Variants in CLUH observed in about 807,000 individuals in gnomAD.
CLUH encodes CLUH binding protein of NUMT mRNA.
A neutral mutation model predicts 139.3 loss-of-function variants in CLUH; 77 were observed. The observed-to-expected ratio is 0.55, with a 90% CI of 0.46 to 0.67. The LOEUF (loss-of-function observed/expected upper bound fraction) is 0.67, where lower values mean the gene tolerates loss of function less well. Among genes scored for constraint, CLUH ranks in the 30% least tolerant of loss-of-function variants. The pLI is 0.00. For synonymous variants in CLUH, 999 were observed against 801.6 expected (o/e 1.25, Z -4.16); for missense variants, 1,876 against 1,875.8 (o/e 1.00, Z 0.00).
At position 2,700,795 on chromosome 17, in the gene CLUH, G is replaced by A. The variant is rs2070150489; in HGVS notation, c.1056C>T (p.Ala352=). The A allele has an allele frequency of 1.3e-6, 2 of 1,530,880 alleles. No homozygotes were observed. The highest frequency in any genetic ancestry group is 4.5e-5 in the East Asian group (2 of 44,318). 94.8% of individuals were successfully genotyped at this position (1,530,880 alleles called of 1,614,324 possible). A position where few individuals can be genotyped will look rare whatever the true frequency, so the allele number is the denominator to read the frequency against. The change falls in exon 8 of 26, where the codon GCC becomes GCT. Residue 352 remains alanine (A), a synonymous_variant. Transcript: ENST00000651024. ...RVQRHPFERI[A]TPFQVYSWTA... ...TCCAGCTGTACACCTGGAATGGGGT[G>A]GCGATCCTCTCGAACGGGTGGCGCT...
At chr17:2,690,979 C>A (rs992554119) in intron 25 of CLUH, among the ~76,000 whole-genome samples, 6 of 152,120 alleles carry the variant, frequency 3.9e-5, no homozygotes, top group Admixed American at 1.3e-4. Context: ...GGCCTCGGGG[C>A]TCCCCTCGCT....
At chr17:2,708,867 G>GC (rs2070428688) in intron 1 of CLUH, among the ~76,000 whole-genome samples, 1 of 86,886 alleles carries the variant, frequency 1.2e-5, no homozygotes, top group African/African-American at 3.7e-5. Context: ...ACTCGGGGGG[G>GC]GGGGAGCAGA....
intron 9 of CLUH, among the ~76,000 whole-genome samples, chr17:2,699,267 G>A (rs775713372): frequency 6.6e-6 from 1 of 152,110 alleles, no homozygotes; most frequent in Non-Finnish European, 1.5e-5. Context: ...TGGTGAAGTC[G>A]GTACCCGAGA....
chr17:2,703,525 A>G lies in CLUH; in HGVS notation c.304-36T>C, dbSNP rs1567595688. 6.2e-7 allele frequency: 1 copy of G among 1,600,164 alleles called. No homozygotes were observed. The highest frequency in any genetic ancestry group is 8.5e-7 in the Non-Finnish European group (1 of 1,171,462). On this transcript the variant is annotated intron_variant, in intron 2 of 25. Coordinates refer to ENST00000651024, the MANE Select transcript of CLUH (RefSeq NM_001366661.1). The surrounding 1 kb of genome is among the most constrained non-coding windows in gnomAD (Gnocchi z 4.2). ...AAGGCCCCGCCCACCCCGGTGAGAG[A>G]GCACGTAGCGGGGAGAGAAGGCCCC...
intron 25 of CLUH, 126 bp downstream of exon 25, chr17:2,691,483 C>A: frequency 1.1e-6 from 1 of 925,286 alleles, no homozygotes; most frequent in Non-Finnish European, 1.7e-6. Context: ...AATCGCTGAA[C>A]CCGGGAGGCG....
At position 2,703,970 on chromosome 17, in the gene CLUH, G is replaced by A. The variant is rs533275561; in HGVS notation, c.303+392C>T. Among the ~76,000 whole-genome samples the A allele has an allele frequency of 8.5e-5, 13 of 152,262 alleles. No individual in the cohort carries two copies. The South Asian group carries it at 1.7e-3, about 19-fold the overall frequency. ...AGTCACCGGCTTGCAAGACCTCCAC[G>A]CTGGCTCTGCCCTTGGAGATAACCC... On this transcript the variant is annotated intron_variant, in intron 2 of 25. Coordinates refer to ENST00000651024, the MANE Select transcript of CLUH (RefSeq NM_001366661.1). The surrounding 1 kb of genome is among the most constrained non-coding windows in gnomAD (Gnocchi z 4.2).
chr17:2,699,140 G>C (rs2070085439), intron 9 of CLUH, among the ~76,000 whole-genome samples: 1 of 151,998 alleles, frequency 6.6e-6, no homozygotes, highest in Non-Finnish European at 1.5e-5. Flanking sequence ...AGCGTGCGCA[G>C]GTTTGGGATC....
chr17:2,705,688 C>T (rs2070330384), intron 1 of CLUH, among the ~76,000 whole-genome samples: 1 of 152,188 alleles, frequency 6.6e-6, no homozygotes, highest in African/African-American at 2.4e-5. Context: ...GCGTCCTCAC[C>T]AGCAGCTCTA....
chr17:2,697,696 C>T (rs942875032), intron 10 of CLUH, among the ~76,000 whole-genome samples, 200 bp downstream of exon 10: 10 of 152,324 alleles, frequency 6.6e-5, no homozygotes, highest in African/African-American at 2.4e-4. Flanking sequence ...TGGCTGCTCG[C>T]GAGTCTGCAG....
chr17:2,695,117 G>T lies in CLUH; in HGVS notation c.2608-16C>A. 1 of 1,612,474 alleles carries T rather than the reference G, an allele frequency of 6.2e-7. No homozygotes were observed. Among genetic ancestry groups the T allele is most frequent in the Non-Finnish European group, 8.5e-7 (1 of 1,179,052 alleles). On this transcript the variant is annotated splice_polypyrimidine_tract_variant and intron_variant, in intron 15 of 25. Coordinates refer to ENST00000651024, the MANE Select transcript of CLUH (RefSeq NM_001366661.1). ...GCTCGACTCCCTGCGAGGCAGGTTG[G>T]ATCCGAGTCATGAGGGCCCTCAGCC...
chr17:2,703,502 G>GGCCCC lies in CLUH; in HGVS notation c.304-18_304-14dup, dbSNP rs770043546. Reference sequence around the variant, plus strand: ...CCTGGGGGGACACCTGCAGGGAGAAGGCCCCGCCCACCCCGGTGAGAGAGC... The same window carrying GGCCCC: ...CCTGGGGGGACACCTGCAGGGAGAAGGCCCCGCCCCGCCCACCCCGGTGAGAGAGC... On this transcript the variant is annotated splice_polypyrimidine_tract_variant and intron_variant, in intron 2 of 25. Transcript: ENST00000651024. This position sits in a 1 kb window ranked among gnomAD's most constrained non-coding sequence, Gnocchi z 4.2. 1 of 1,610,208 alleles carries GGCCCC rather than the reference G, an allele frequency of 6.2e-7. No individual in the cohort carries two copies. The highest frequency in any genetic ancestry group is 8.5e-7 in the Non-Finnish European group (1 of 1,177,698).
At chr17:2,711,432 G>C (rs1290915356) in intron 1 of CLUH, 130 bp downstream of exon 1, 1 of 188,028 alleles carries the variant, frequency 5.3e-6, no homozygotes, top group Non-Finnish European at 9.9e-6. Context: ...GGGCGACCCG[G>C]TGAAGGCCCC....
chr17:2,692,157 T>TGACTCGGGGGCCC, intron 22 of CLUH, 60 bp from the exon 23 acceptor site: 1 of 1,507,084 alleles, frequency 6.6e-7, no homozygotes, highest in African/African-American at 1.4e-5. Flanking sequence ...TGTGGGGGCC[T>TGACTCGGGGGCCC]GACTCGGGGG....
chr17:2,692,673 G>T lies in CLUH; in HGVS notation c.3336C>A (p.Phe1112Leu). The T allele has an allele frequency of 6.2e-7, 1 of 1,612,106 alleles. No homozygotes were observed. Among genetic ancestry groups the T allele is most frequent in the African/African-American group, 1.3e-5 (1 of 75,004 alleles). Residue 1112 changes from phenylalanine to leucine, a missense_variant, in exon 21 of 26, where the codon TTC becomes TTA. Phe to Leu is a conservative substitution (Grantham distance 22). Coordinates refer to ENST00000651024, the MANE Select transcript of CLUH (RefSeq NM_001366661.1). The part of the protein sequence containing the change: ...QEYMHLALYC[F>L]ASSQLSTALS... Reference sequence around the variant, plus strand: ...GGGCGGTGGACAGCTGGCTGCTGGCGAAGCAGTACAGGGCCAGGTGCATCT... The same window carrying T: ...GGGCGGTGGACAGCTGGCTGCTGGCTAAGCAGTACAGGGCCAGGTGCATCT...
intron 1 of CLUH, among the ~76,000 whole-genome samples, chr17:2,710,279 C>T (rs1354686675): frequency 6.6e-6 from 1 of 152,240 alleles, no homozygotes; most frequent in Non-Finnish European, 1.5e-5. Flanking sequence ...AGCACAAAGC[C>T]TGGTAGGTTG....
In CLUH at chr17:2,691,733, C is replaced by CGGAGGGGCGGAG. The variant is rs754438861; in HGVS notation, c.3789+27_3789+28insCTCCGCCCCTCC. 30 of 1,600,468 alleles carry CGGAGGGGCGGAG rather than the reference C, an allele frequency of 1.9e-5. No individual in the cohort carries two copies. The South Asian group carries it at 2.0e-4, about 11-fold the overall frequency. On this transcript the variant is annotated intron_variant, in intron 24 of 25. Transcript: ENST00000651024. Reference sequence around the variant, plus strand: ...AGCGGGGCTCCCGCGCTCGCCGGGCCGGAGGGGCCGCTCCGCCCCGGACTC... The same window carrying CGGAGGGGCGGAG: ...AGCGGGGCTCCCGCGCTCGCCGGGCCGGAGGGGCGGAGGGAGGGGCCGCTCCGCCCCGGACTC...
chr17:2,711,535 C>G (rs1247766483), intron 1 of CLUH, 27 bp downstream of exon 1: 2 of 787,056 alleles, frequency 2.5e-6, no homozygotes, highest in Non-Finnish European at 1.5e-6. Flanking sequence ...CCCCGCCCAG[C>G]GGCCCGCTGG....
At position 2,701,519 on chromosome 17, in the gene CLUH, G is replaced by A. The variant is rs1286678912; in HGVS notation, c.746C>T (p.Pro249Leu). The A allele has an allele frequency of 1.2e-6, 2 of 1,613,790 alleles. No individual in the cohort carries two copies. Among genetic ancestry groups the A allele is most frequent in the Non-Finnish European group, 1.7e-6 (2 of 1,179,852 alleles). ...GGTGAGTACTTTCAGGCACTGCAAGGGCTTCGGGAGCGGCCGAGTCTGAGG... is the reference window on the plus strand; with the variant it reads ...GGTGAGTACTTTCAGGCACTGCAAGAGCTTCGGGAGCGGCCGAGTCTGAGG... The part of the protein sequence containing the change: ...PLQPQNRDWK[P>L]LQCLKVLTMS... The change falls in exon 6 of 26, where the codon CCC (proline) becomes CTC (leucine). Residue 249 changes from proline to leucine, a missense_variant and splice_region_variant. Physicochemically the swap from Pro to Leu is moderately conservative, Grantham distance 98. Coordinates refer to ENST00000651024, the MANE Select transcript of CLUH (RefSeq NM_001366661.1).
chr17:2,700,559 G>A, intron 8 of CLUH, 85 bp from the exon 9 acceptor site: 1 of 1,550,450 alleles, frequency 6.4e-7, no homozygotes, highest in Non-Finnish European at 8.7e-7. Flanking sequence ...ACCTTCCTGA[G>A]AAGAGCCCCA....
Sources: gnomAD v4.1 joint callset for allele counts (sites outside exome capture counted in the v4.1 genomes callset) on GRCh38, gnomAD v4.1.1 for gene constraint, Gnocchi (gnomAD v3.1) non-coding constraint, MANE v1.5 for transcripts, NCBI Gene and HGNC (gene_info 2026-07-23, HGNC 2026-07-21) for gene names.